Variants in CMSS1 observed in about 807,000 individuals in gnomAD.
CMSS1 encodes the protein protein CMSS1.
In CMSS1, 33 loss-of-function variants were observed where a neutral mutation model predicts 43.5. The observed-to-expected ratio is 0.76, with a 90% CI of 0.57 to 1.01. CMSS1 has a LOEUF of 1.01. CMSS1 is among the 50% of genes least tolerant of loss of function. The pLI is 0.00. For missense variants in CMSS1, 313 were observed against 326.4 expected (o/e 0.96, Z 0.32); for synonymous variants, 115 against 117.2 (o/e 0.98, Z 0.12).
chr3:99,937,157 C>G (rs1276496758), intron 1 of CMSS1, among the ~76,000 whole-genome samples: 4 of 151,938 alleles, frequency 2.6e-5, no homozygotes, highest in African/African-American at 9.7e-5. Context: ...AGGCTGGTCT[C>G]GAACTCCTGA....
chr3:100,011,026 G>A (rs941664367), intron 1 of CMSS1, among the ~76,000 whole-genome samples: 3 of 151,978 alleles, frequency 2.0e-5, no homozygotes, highest in African/African-American at 2.4e-5. Context: ...AATTTAGGAA[G>A]TACAAACCCA....
chr3:99,948,759 A>AAGGAAGGAAAGAAAAAG (rs1708090187), intron 1 of CMSS1, among the ~76,000 whole-genome samples: 3 of 150,724 alleles, frequency 2.0e-5, no homozygotes, highest in Admixed American at 2.0e-4. Flanking sequence ...GAGGAAAAGG[A>AAGGAAGGAAAGAAAAAG]AGGAAGGAAA....
intron 1 of CMSS1, among the ~76,000 whole-genome samples, chr3:100,108,540 T>G (rs569380414): frequency 8.5e-5 from 13 of 152,274 alleles, no homozygotes; most frequent in African/African-American, 2.6e-4. Flanking sequence ...ATTAAATGCA[T>G]TGTGGTACAT....
intron 1 of CMSS1, among the ~76,000 whole-genome samples, chr3:99,864,588 A>G (rs1037407508): frequency 2.6e-5 from 4 of 152,140 alleles, no homozygotes; most frequent in African/African-American, 7.2e-5. Context: ...TTGACCTCAG[A>G]AGAGTTTCCT....
intron 1 of CMSS1, among the ~76,000 whole-genome samples, chr3:99,926,236 A>G (rs1168202902): frequency 3.3e-5 from 5 of 152,272 alleles, no homozygotes; most frequent in African/African-American, 4.8e-5. Flanking sequence ...CCCAGCATAT[A>G]GAACCCAGTA....
intron 1 of CMSS1, among the ~76,000 whole-genome samples, chr3:99,940,840 T>G (rs561810795): frequency 6.6e-6 from 1 of 152,278 alleles, no homozygotes; most frequent in Non-Finnish European, 1.5e-5. Flanking sequence ...TCAGAGGAGG[T>G]CAAGAGTTTC....
intron 1 of CMSS1, among the ~76,000 whole-genome samples, chr3:100,111,298 T>C (rs2066486486): frequency 6.6e-6 from 1 of 152,162 alleles, no homozygotes; most frequent in African/African-American, 2.4e-5. Context: ...GTCAGGGCTA[T>C]GAGTACTCAT....
At chr3:100,067,574 C>G (rs538187124) in intron 1 of CMSS1, among the ~76,000 whole-genome samples, 1 of 152,120 alleles carries the variant, frequency 6.6e-6, no homozygotes, top group Non-Finnish European at 1.5e-5. Flanking sequence ...GATTCAGATA[C>G]AGGTTTATTT....
chr3:99,848,069 G>T, intron 1 of CMSS1: 1 of 1,310,030 alleles, frequency 7.6e-7, no homozygotes, highest in Admixed American at 3.6e-5. Context: ...TTCCATACAA[G>T]TATGTAAATG....
At chr3:99,934,708 A>T (rs1279015142) in intron 1 of CMSS1, among the ~76,000 whole-genome samples, 1 of 152,240 alleles carries the variant, frequency 6.6e-6, no homozygotes. Context: ...GGAGCTCTGT[A>T]TACATTCTAG....
intron 8 of CMSS1, 131 bp from the exon 9 acceptor site, chr3:100,176,196 T>C (rs1302943678): frequency 3.3e-6 from 2 of 602,874 alleles, no homozygotes; most frequent in East Asian, 5.7e-5. Context: ...CAGCACTTAA[T>C]GTGCGGAGAT....
chr3:99,936,029 G>A (rs1707654286), intron 1 of CMSS1, among the ~76,000 whole-genome samples: 1 of 151,928 alleles, frequency 6.6e-6, no homozygotes, highest in Non-Finnish European at 1.5e-5. Flanking sequence ...TATTAATGTT[G>A]TATATTAAAA....
At chr3:99,821,941 G>A (rs992956948) in intron 1 of CMSS1, among the ~76,000 whole-genome samples, 5 of 152,130 alleles carry the variant, frequency 3.3e-5, no homozygotes, top group Non-Finnish European at 5.9e-5. Flanking sequence ...AGCTACTCAG[G>A]AGGCTGAGGC....
chr3:100,029,985 G>GT (rs1285077860), intron 1 of CMSS1, among the ~76,000 whole-genome samples: 41 of 152,288 alleles, frequency 2.7e-4, no homozygotes, highest in African/African-American at 9.9e-4. Flanking sequence ...CTTCACAGCT[G>GT]TTTGTAACTT....
intron 1 of CMSS1, among the ~76,000 whole-genome samples, chr3:100,036,484 A>G (rs1414079516): frequency 6.6e-6 from 1 of 152,228 alleles, no homozygotes; most frequent in Non-Finnish European, 1.5e-5. Flanking sequence ...GACCCATTGA[A>G]TAAAATAAGA....
At chr3:100,036,335 A>T (rs1013514494) in intron 1 of CMSS1, among the ~76,000 whole-genome samples, 2 of 152,186 alleles carry the variant, frequency 1.3e-5, no homozygotes, top group Non-Finnish European at 2.9e-5. Context: ...AGCCTGGAAC[A>T]TCTTTTCATG....
chr3:100,124,504 T>C (rs1029804676), intron 1 of CMSS1, among the ~76,000 whole-genome samples: 2 of 152,180 alleles, frequency 1.3e-5, no homozygotes, highest in Admixed American at 6.5e-5. Context: ...GGCCTTTCCA[T>C]TGGCCCCCAG....
intron 1 of CMSS1, among the ~76,000 whole-genome samples, chr3:100,129,085 AC>A (rs148606508): frequency 0.039 from 5,866 of 151,788 alleles, 148 homozygotes; most frequent in Non-Finnish European, 0.062. Context: ...CCTTTATATT[AC>A]CCCCTACCAC....
chr3:100,078,800 A>G (rs2065889513), intron 1 of CMSS1, among the ~76,000 whole-genome samples: 1 of 152,210 alleles, frequency 6.6e-6, no homozygotes, highest in Non-Finnish European at 1.5e-5. Flanking sequence ...CTAAGGCCGG[A>G]AAATCCCTTG....
Sources: allele counts gnomAD v4.1 joint callset (sites outside exome capture counted in the v4.1 genomes callset), GRCh38; gene constraint gnomAD v4.1.1; transcripts MANE v1.5; gene names NCBI Gene and HGNC (gene_info 2026-07-23, HGNC 2026-07-21).